Variants in ZDHHC15 observed in about 807,000 individuals in gnomAD.
ZDHHC15 encodes the protein zDHHC palmitoyltransferase 15.
In ZDHHC15, 19 loss-of-function variants were observed where a neutral mutation model predicts 31.7. That is an observed-to-expected ratio of 0.60 (90% CI 0.42 to 0.88). The LOEUF is 0.88. ZDHHC15 is among the 40% of genes least tolerant of loss of function. The probability of loss-of-function intolerance (pLI) is 0.00; values close to 1 mark genes in which losing one functional copy is unlikely to be tolerated. For missense variants in ZDHHC15, 209 were observed against 251.2 expected (o/e 0.83, Z 1.14); for synonymous variants, 103 against 90.0 (o/e 1.14, Z -0.82).
intron 11 of ZDHHC15, among the ~76,000 whole-genome samples, chrX:75,373,643 T>C (rs1454035639): frequency 2.7e-5 from 3 of 111,527 alleles, no homozygotes; most frequent in Non-Finnish European, 3.8e-5. Context: ...TGATGGAAAA[T>C]TGGATAACAT....
At chrX:75,400,589 C>A (rs1445745786) in intron 10 of ZDHHC15, among the ~76,000 whole-genome samples, 3 of 111,881 alleles carry the variant, frequency 2.7e-5, no homozygotes, top group Non-Finnish European at 5.6e-5. Flanking sequence ...CTTCCCCAAC[C>A]TTGCTAGAGA....
In ZDHHC15 at chrX:75,429,061, G is replaced by A; in HGVS notation, c.603+17C>T. ...TGCATTTGTTCTAGGGGACCCTTCA[G>A]GATATTTTTAACTTACTCTCCAGTA... On this transcript the variant is annotated intron_variant, in intron 7 of 11. Transcript: ENST00000373367. 1 of 1,206,794 alleles carries A rather than the reference G, an allele frequency of 8.3e-7. No homozygotes were observed. Among genetic ancestry groups the A allele is most frequent in the Non-Finnish European group, 1.1e-6 (1 of 893,494 alleles).
chrX:75,441,163 C>G (rs905733552), intron 4 of ZDHHC15, among the ~76,000 whole-genome samples: 3 of 112,102 alleles, frequency 2.7e-5, no homozygotes, highest in African/African-American at 9.7e-5. Context: ...CTTCTGTGCT[C>G]GTATCTATAC....
At chrX:75,401,520 T>G (rs1046839624) in intron 10 of ZDHHC15, among the ~76,000 whole-genome samples, 11 of 111,528 alleles carry the variant, frequency 9.9e-5, no homozygotes, top group African/African-American at 3.6e-4. Flanking sequence ...ATTACACTTA[T>G]AGGCTCAAAA....
At chrX:75,422,459 G>T (rs1006766439) in intron 8 of ZDHHC15, among the ~76,000 whole-genome samples, 1 of 112,105 alleles carries the variant, frequency 8.9e-6, no homozygotes, top group Non-Finnish European at 1.9e-5. Flanking sequence ...AAAAATGAAA[G>T]TGTTCATGCT....
chrX:75,513,321 T>A (rs1328750190), intron 1 of ZDHHC15, among the ~76,000 whole-genome samples: 1 of 111,898 alleles, frequency 8.9e-6, no homozygotes. Context: ...TGGATACTAT[T>A]GGGCACCAAA....
intron 10 of ZDHHC15, among the ~76,000 whole-genome samples, chrX:75,388,168 G>C (rs1289079657): frequency 1.8e-5 from 2 of 112,222 alleles, no homozygotes; most frequent in African/African-American, 6.5e-5. Flanking sequence ...ACCATCACCA[G>C]ACCAATCTTA....
intron 3 of ZDHHC15, among the ~76,000 whole-genome samples, chrX:75,455,592 G>C (rs1602655996): frequency 9.0e-6 from 1 of 111,561 alleles, no homozygotes; most frequent in Non-Finnish European, 1.9e-5. Context: ...CCTACAGAAT[G>C]GGAGAAAATT....
intron 4 of ZDHHC15, among the ~76,000 whole-genome samples, chrX:75,447,830 T>A (rs1258593056): frequency 8.9e-6 from 1 of 112,114 alleles, no homozygotes; most frequent in African/African-American, 3.2e-5. Context: ...AACTGGAAGT[T>A]AAGACTGCCA....
intron 1 of ZDHHC15, among the ~76,000 whole-genome samples, chrX:75,520,279 T>G (rs1316839673): frequency 8.9e-6 from 1 of 112,075 alleles, no homozygotes; most frequent in Non-Finnish European, 1.9e-5. Context: ...TAATATTACA[T>G]GACTAAAGAA....
At chrX:75,428,859 C>T (rs890038049) in intron 7 of ZDHHC15, among the ~76,000 whole-genome samples, 1 of 111,845 alleles carries the variant, frequency 8.9e-6, no homozygotes, top group Non-Finnish European at 1.9e-5. Flanking sequence ...GCAAGATTCT[C>T]GTGTATGACA....
chrX:75,374,876 AC>A (rs2083042755), intron 11 of ZDHHC15, among the ~76,000 whole-genome samples: 1 of 110,632 alleles, frequency 9.0e-6, no homozygotes, highest in Non-Finnish European at 1.9e-5. Context: ...ACTGATAGTA[AC>A]GAAATAAATC....
At chrX:75,488,661 C>T (rs2084816827) in intron 2 of ZDHHC15, among the ~76,000 whole-genome samples, 1 of 112,249 alleles carries the variant, frequency 8.9e-6, no homozygotes, top group African/African-American at 3.2e-5. Flanking sequence ...CTACAGCTCC[C>T]AGCATGAGTG....
At chrX:75,496,734 A>T (rs756114302) in intron 2 of ZDHHC15, among the ~76,000 whole-genome samples, 1 of 112,012 alleles carries the variant, frequency 8.9e-6, no homozygotes, top group African/African-American at 3.2e-5. Flanking sequence ...CATGGAAATT[A>T]AATAATCTGC....
intron 4 of ZDHHC15, among the ~76,000 whole-genome samples, chrX:75,442,857 G>A (rs1222912579): frequency 2.8e-5 from 3 of 107,716 alleles, no homozygotes; most frequent in Non-Finnish European, 5.8e-5. Flanking sequence ...ACGGTGGCGG[G>A]CGCCTGTAGT....
At chrX:75,504,790 G>A (rs771720873) in intron 2 of ZDHHC15, among the ~76,000 whole-genome samples, 40 of 111,400 alleles carry the variant, frequency 3.6e-4, no homozygotes, top group Non-Finnish European at 7.0e-4. Context: ...TAAGGGTCAT[G>A]CATACGAATA....
At position 75,379,214 on chromosome X, in the gene ZDHHC15, G is replaced by A. The variant is rs780423120; in HGVS notation, c.968-16C>T. Reference sequence around the variant, plus strand: ...TCTGGATAATCTGCAAGGTTGAAACGTGAAGATGATCAAATGTCCCCGTGC... The same window carrying A: ...TCTGGATAATCTGCAAGGTTGAAACATGAAGATGATCAAATGTCCCCGTGC... On this transcript the variant is annotated splice_polypyrimidine_tract_variant and intron_variant, in intron 10 of 11. Transcript: ENST00000373367. 31 of 1,207,861 alleles carry A rather than the reference G, an allele frequency of 2.6e-5. No individual in the cohort carries two copies. The highest frequency in any genetic ancestry group is 3.5e-5 in the African/African-American group (2 of 56,977).
At chrX:75,464,999 T>C (rs1360772532) in intron 3 of ZDHHC15, among the ~76,000 whole-genome samples, 1 of 111,799 alleles carries the variant, frequency 8.9e-6, no homozygotes, top group Non-Finnish European at 1.9e-5. Context: ...CAAATAGGAA[T>C]AAAGGAAGTC....
chrX:75,456,399 TGTAA>T (rs1407973230), intron 3 of ZDHHC15, among the ~76,000 whole-genome samples: 2 of 110,186 alleles, frequency 1.8e-5, no homozygotes, highest in Non-Finnish European at 3.8e-5. Flanking sequence ...AAATACCTAA[TGTAA>T]GTGTCAAGTT....
Sources: allele counts gnomAD v4.1 joint callset (sites outside exome capture counted in the v4.1 genomes callset), GRCh38; gene constraint gnomAD v4.1.1; transcripts MANE v1.5; gene names NCBI Gene and HGNC (gene_info 2026-07-23, HGNC 2026-07-21).